The following TLR6 variants were observed in gnomAD, a reference collection of about 807,000 sequenced individuals.
TLR6 encodes the protein toll like receptor 6, also known as toll-like receptor 6.
Under a neutral mutation model 16.1 loss-of-function variants are expected in TLR6, and 9 were observed. That is an observed-to-expected ratio of 0.56 (90% CI 0.34 to 0.98). The LOEUF (loss-of-function observed/expected upper bound fraction) is 0.98, where lower values mean the gene tolerates loss of function less well. TLR6 is among the 50% of genes least tolerant of loss of function. The pLI, the probability that TLR6 is intolerant of heterozygous loss-of-function variation, is 0.02. For synonymous variants in TLR6, 340 were observed against 338.6 expected, an observed-to-expected ratio of 1.00 and a Z score of -0.04; for missense variants, 786 against 921.0, an observed-to-expected ratio of 0.85 and a Z score of 1.90.
the TLR6 span, among the ~76,000 whole-genome samples, chr4:38,866,300 T>A: frequency 6.6e-6 from 1 of 150,830 alleles, no homozygotes; most frequent in East Asian, 2.0e-4. Context: ...GAGACCAGCC[T>A]GGCCAACATG....
At chr4:38,849,570 G>A (rs1345209484) in intron 1 of TLR6, among the ~76,000 whole-genome samples, 1 of 152,104 alleles carries the variant, frequency 6.6e-6, no homozygotes, top group Admixed American at 6.5e-5. Flanking sequence ...TCAAAATAAA[G>A]GGATGGAGGA....
chr4:38,846,252 A>G (rs1433245994), intron 1 of TLR6, among the ~76,000 whole-genome samples: 2 of 152,228 alleles, frequency 1.3e-5, no homozygotes, highest in African/African-American at 2.4e-5. Context: ...AGCAAGTACC[A>G]TAATAGAAAG....
intron 1 of TLR6, among the ~76,000 whole-genome samples, chr4:38,855,886 C>T (rs965123085): frequency 1.3e-5 from 2 of 151,778 alleles, no homozygotes; most frequent in East Asian, 1.9e-4. Flanking sequence ...GGTAAATGCT[C>T]TTGATTTTTT....
At chr4:38,847,318 C>T (rs1560270526) in intron 1 of TLR6, among the ~76,000 whole-genome samples, 2 of 152,052 alleles carry the variant, frequency 1.3e-5, no homozygotes, top group South Asian at 2.1e-4. Context: ...TCCAAGATGG[C>T]CAAATAGGAA....
intron 1 of TLR6, among the ~76,000 whole-genome samples, chr4:38,854,881 C>T (rs184576944): frequency 2.0e-4 from 30 of 152,174 alleles, no homozygotes; most frequent in African/African-American, 7.2e-4. Flanking sequence ...AAATACTGTA[C>T]TTTGAAAAAA....
chr4:38,831,695 C>T (rs1382695681), intron 1 of TLR6, among the ~76,000 whole-genome samples: 1 of 152,070 alleles, frequency 6.6e-6, no homozygotes, highest in African/African-American at 2.4e-5. Context: ...TTTAAATGGG[C>T]ACAAAAATCT....
chr4:38,827,641 C>G (rs1432503198), exon 2 of TLR6: 7 of 1,614,226 alleles, frequency 4.3e-6, no homozygotes, highest in Non-Finnish European at 5.9e-6. Context: ...GATACCAGGG[C>G]AGATCCAAGT....
exon 2 of TLR6, chr4:38,828,404 A>T (rs1193993039): frequency 1.2e-6 from 2 of 1,613,202 alleles, no homozygotes; most frequent in African/African-American, 1.3e-5. Flanking sequence ...AAAGTTCAAA[A>T]ACTTGAATGT....
At chr4:38,850,464 A>G (rs920150966) in intron 1 of TLR6, among the ~76,000 whole-genome samples, 2 of 152,220 alleles carry the variant, frequency 1.3e-5, no homozygotes, top group Admixed American at 6.5e-5. Flanking sequence ...AAAGATCAAC[A>G]AAATTGATAG....
chr4:38,864,446 T>C, the TLR6 span, among the ~76,000 whole-genome samples: 1 of 152,220 alleles, frequency 6.6e-6, no homozygotes, highest in African/African-American at 2.4e-5. Context: ...AAAAAATATA[T>C]TCAAAGGTGG....
intron 1 of TLR6, among the ~76,000 whole-genome samples, chr4:38,834,079 A>T: frequency 6.7e-6 from 1 of 150,372 alleles, no homozygotes. Context: ...AAAAAAAAAA[A>T]TTACAAAAAT....
In TLR6 at chr4:38,850,147, T is replaced by C. The variant is rs552002802; in HGVS notation, c.-65+6614A>G. 2.6e-4 allele frequency among the ~76,000 whole-genome samples: 40 copies of C among 152,148 alleles called. 1 individual carries two copies. In the South Asian group the frequency reaches 4.6e-3, roughly 17 times the overall value. ...AATGACTACTGGGTTCATAAAGAAA[T>C]GAAGGCAGAAATAAAGATGTTCCTT... is the stretch of plus-strand genomic sequence containing the variant. On this transcript the variant is annotated intron_variant, in intron 1 of 1. Coordinates refer to ENST00000436693, the Ensembl canonical transcript of TLR6.
intron 1 of TLR6, among the ~76,000 whole-genome samples, chr4:38,847,083 T>C (rs149562277): frequency 0.01 from 1,591 of 152,172 alleles, 29 homozygotes; most frequent in African/African-American, 0.036. Context: ...AATAATTCAA[T>C]TGAGTAAGTC....
upstream of TLR6, among the ~76,000 whole-genome samples, chr4:38,859,178 T>C (rs56323652): frequency 0.61 from 92,395 of 152,106 alleles, 29,240 homozygotes; most frequent in African/African-American, 0.79. Context: ...TTAAGCATCA[T>C]ACTATGCTGC....
At chr4:38,846,907 G>T (rs953743611) in intron 1 of TLR6, among the ~76,000 whole-genome samples, 1 of 151,988 alleles carries the variant, frequency 6.6e-6, no homozygotes, top group African/African-American at 2.4e-5. Context: ...GTAATTATGA[G>T]AAAATACAAA....
chr4:38,846,971 G>C (rs967577413), intron 1 of TLR6, among the ~76,000 whole-genome samples: 1 of 152,056 alleles, frequency 6.6e-6, no homozygotes, highest in Non-Finnish European at 1.5e-5. Flanking sequence ...TCAGAATAAA[G>C]AAACCCCAAT....
At chr4:38,850,437 A>C (rs961494228) in intron 1 of TLR6, among the ~76,000 whole-genome samples, 2 of 152,232 alleles carry the variant, frequency 1.3e-5, no homozygotes, top group Non-Finnish European at 2.9e-5. Flanking sequence ...CAATGAATCC[A>C]GGAGGTGGGT....
At position 38,838,946 on chromosome 4, in the gene TLR6, G is replaced by GAGGA. The variant is rs1279948485; in HGVS notation, c.-64-9413_-64-9410dup. On this transcript the variant is annotated intron_variant, in intron 1 of 1. Coordinates refer to ENST00000436693, the Ensembl canonical transcript of TLR6. Reference sequence around the variant, plus strand: ...GAGGGAGGGAAGGAAGGAAGGAAGGGAGGAAGGAAGGAAGGAAGGGGAGGA... The same window carrying GAGGA: ...GAGGGAGGGAAGGAAGGAAGGAAGGGAGGAAGGAAGGAAGGAAGGAAGGGGAGGA... 4.0e-3 allele frequency among the ~76,000 whole-genome samples: 491 copies of GAGGA among 123,856 alleles called. 8 individuals are homozygous for GAGGA. Among genetic ancestry groups the GAGGA allele is most frequent in the African/African-American group, 0.018 (462 of 24,974 alleles). 81.3% of individuals were successfully genotyped at this position (123,856 alleles called of 152,430 possible).
the TLR6 span, among the ~76,000 whole-genome samples, chr4:38,862,683 C>T: frequency 6.6e-6 from 1 of 150,390 alleles, no homozygotes; most frequent in Non-Finnish European, 1.5e-5. Flanking sequence ...GCAACCTCCG[C>T]CTCCCAGGTT....
Sources: gnomAD v4.1 joint callset for allele counts (sites outside exome capture counted in the v4.1 genomes callset) on GRCh38, gnomAD v4.1.1 for gene constraint, MANE v1.5 for transcripts, NCBI Gene and HGNC (gene_info 2026-07-23, HGNC 2026-07-21) for gene names.